Variants in DDOST observed in about 807,000 individuals in gnomAD.
DDOST encodes the protein dolichyl-diphosphooligosaccharide--protein glycosyltransferase 48 kDa subunit.
Under a neutral mutation model 47.6 loss-of-function variants are expected in DDOST, and 25 were observed. That is an observed-to-expected ratio of 0.53 (90% CI 0.38 to 0.73). The LOEUF (loss-of-function observed/expected upper bound fraction) is 0.73, where lower values mean the gene tolerates loss of function less well. DDOST is among the 30% of genes least tolerant of loss of function. The pLI, the probability that DDOST is intolerant of heterozygous loss-of-function variation, is 0.00. For missense variants in DDOST, 526 were observed against 573.9 expected (o/e 0.92, Z 0.85); for synonymous variants, 275 against 236.0 (o/e 1.17, Z -1.51).
In DDOST at chr1:20,652,538, G is replaced by T; in HGVS notation, c.1171-10C>A. 1 of 1,613,958 alleles carries T rather than the reference G, an allele frequency of 6.2e-7. No individual in the cohort carries two copies. The highest frequency in any genetic ancestry group is 8.5e-7 in the Non-Finnish European group (1 of 1,179,916). ...GTGGCCGCACGGATACCTGCAGGAG[G>T]ACAGAGGTGGCAGGACCTGGCCACT... On this transcript the variant is annotated splice_polypyrimidine_tract_variant and intron_variant, in intron 10 of 10. Coordinates refer to ENST00000602624, the MANE Select transcript of DDOST (RefSeq NM_005216.5).
chr1:20,653,921 G>A, intron 7 of DDOST, 147 bp from the exon 8 acceptor site: 2 of 951,724 alleles, frequency 2.1e-6, no homozygotes, highest in Non-Finnish European at 3.1e-6. Flanking sequence ...ATGGTTAAAG[G>A]GAACGCAGGA....
intron 2 of DDOST, chr1:20,660,603 C>T (rs1557574574): frequency 1.0e-5 from 3 of 289,974 alleles, no homozygotes; most frequent in East Asian, 1.4e-4. Flanking sequence ...TTTATCAGGC[C>T]CTTTACAGAG....
At chr1:20,655,912 G>C (rs3738141) in intron 3 of DDOST, 133 bp from the exon 4 acceptor site, 2 of 856,982 alleles carry the variant, frequency 2.3e-6, no homozygotes, top group Non-Finnish European at 3.8e-6. Context: ...CTCAGCCCCA[G>C]ATGGACCCCT....
rs2053288079 is a variant in DDOST, at chr1:20,651,802, T to TTTAC, written c.*576_*577insGTAA. On this transcript the variant is annotated 3_prime_UTR_variant, in exon 11 of 11. Coordinates refer to ENST00000602624, the MANE Select transcript of DDOST (RefSeq NM_005216.5). Reference sequence around the variant, plus strand: ...TTTGAGGGCAACATCTCGCTTTATTTTTATTTATTTATTTATTTATTTATT... The same window carrying TTTAC: ...TTTGAGGGCAACATCTCGCTTTATTTTTACTTATTTATTTATTTATTTATTTATT... 1 of 3,184 alleles carries TTTAC rather than the reference T, an allele frequency of 3.1e-4. No homozygotes were observed. The highest frequency in any genetic ancestry group is 0.01 in the South Asian group (1 of 96). The allele number at this position is 3,184 out of a possible 1,614,324, so 0.2% of individuals were successfully genotyped here.
Position 20,652,855 on chromosome 1 carries a change from C to A in DDOST, c.1059G>T (p.Lys353Asn). ...IDPFVRTFLKKKGGKYSVQFK... is the reference protein window; with the variant it reads ...IDPFVRTFLKNKGGKYSVQFK... ...TCGTGCAGGAACTACACTCACCTTTCTTCTTCAGGAAGGTCCTCACAAAAG... is the reference window on the plus strand; with the variant it reads ...TCGTGCAGGAACTACACTCACCTTTATTCTTCAGGAAGGTCCTCACAAAAG... The change falls in exon 9 of 11, where the codon AAG becomes AAT. Residue 353 changes from lysine to asparagine, a missense_variant. Physicochemically the swap from Lys to Asn is moderately conservative, Grantham distance 94. Coordinates refer to ENST00000602624, the MANE Select transcript of DDOST (RefSeq NM_005216.5). 1 of 1,614,136 alleles carries A rather than the reference C, an allele frequency of 6.2e-7. No individual in the cohort carries two copies. The highest frequency in any genetic ancestry group is 8.5e-7 in the Non-Finnish European group (1 of 1,180,012).
rs1200095643 is a variant in DDOST, at chr1:20,652,516, G to C, written c.1183C>G (p.Pro395Ala). 6.2e-7 allele frequency: 1 copy of C among 1,613,834 alleles called. No individual in the cohort carries two copies. Reference protein sequence around the residue: ...LYSSTQVSVRPLQHTQYERFI... With the variant: ...LYSSTQVSVRALQHTQYERFI... The stretch of plus-strand genomic sequence containing the variant: ...CGCTCATACTGCGTGTGCTGGAGTG[G>C]CCGCACGGATACCTGCAGGAGGACA... Residue 395 changes from proline (P) to alanine (A), a missense_variant, in exon 11 of 11, where the codon CCA becomes GCA. Transcript: ENST00000602624.
intron 2 of DDOST, among the ~76,000 whole-genome samples, chr1:20,656,580 T>C (rs906188456): frequency 3.9e-5 from 6 of 152,232 alleles, no homozygotes; most frequent in Non-Finnish European, 5.9e-5. Flanking sequence ...GGAGCCAGTT[T>C]CCAGAGCCTG....
rs374229790 is a variant in DDOST at position 20,654,605 on chromosome 1, A to G, written c.645+9T>C. 1.5e-4 allele frequency: 228 copies of G among 1,554,846 alleles called. No homozygotes were observed. Among genetic ancestry groups the G allele is most frequent in the Non-Finnish European group, 1.9e-4 (219 of 1,147,054 alleles). On this transcript the variant is annotated intron_variant, in intron 6 of 10. Coordinates refer to ENST00000602624, the MANE Select transcript of DDOST (RefSeq NM_005216.5). Reference sequence around the variant, plus strand: ...TTATTTCGAAGCCTCAAGGTTGTGAAGCCCTTACCTGGGTGATAGGCTTGT... The same window carrying G: ...TTATTTCGAAGCCTCAAGGTTGTGAGGCCCTTACCTGGGTGATAGGCTTGT...
chr1:20,653,263 T>TG lies in DDOST; in HGVS notation c.943-293dup, dbSNP rs1356920396. On this transcript the variant is annotated intron_variant, in intron 8 of 10. Coordinates refer to ENST00000602624, the MANE Select transcript of DDOST (RefSeq NM_005216.5). ...CCCAAACCACCCTCCTGCCCCGACA[T>TG]GTGCCAGGCACTTTCAAGTATTCAT... Among the ~76,000 whole-genome samples, 4 of 152,228 alleles carry TG rather than the reference T, an allele frequency of 2.6e-5. No homozygotes were observed. The East Asian group carries it at 7.7e-4, about 29-fold the overall frequency.
chr1:20,660,700 T>C (rs1162994553), intron 2 of DDOST, 181 bp downstream of exon 2: 11 of 543,908 alleles, frequency 2.0e-5, no homozygotes, highest in Non-Finnish European at 3.3e-5. Context: ...CTGTTTCTTT[T>C]AGAAAGATGT....
Position 20,652,917 on chromosome 1 carries a change from C to T in DDOST, c.997G>A (p.Gly333Ser). The T allele has an allele frequency of 6.2e-7, 1 of 1,614,198 alleles. No individual in the cohort carries two copies. The highest frequency in any genetic ancestry group is 8.5e-7 in the Non-Finnish European group (1 of 1,180,028). Reference sequence around the variant, plus strand: ...ACAAACTCCAGCTGAATGTCATCGCCATCAAAGGGGACCCATTTGCCATTT... The same window carrying T: ...ACAAACTCCAGCTGAATGTCATCGCTATCAAAGGGGACCCATTTGCCATTT... The part of the protein sequence containing the change: ...LSNGKWVPFD[G>S]DDIQLEFVRI... Residue 333 changes from glycine (G) to serine (S), a missense_variant, in exon 9 of 11, where the codon GGC (glycine) becomes AGC (serine). Gly to Ser is a moderately conservative substitution (Grantham distance 56, BLOSUM62 0). Transcript: ENST00000602624.
intron 8 of DDOST, 91 bp from the exon 9 acceptor site, chr1:20,653,062 G>A (rs1386357706): frequency 8.3e-5 from 128 of 1,542,408 alleles, no homozygotes; most frequent in Non-Finnish European, 9.8e-5. Context: ...CCCACCCGAC[G>A]AACATGGCAG....
chr1:20,653,010 C>T (rs746980641), intron 8 of DDOST, 39 bp from the exon 9 acceptor site: 1 of 1,611,022 alleles, frequency 6.2e-7, no homozygotes, highest in Non-Finnish European at 8.5e-7. Flanking sequence ...CTGGCCATGA[C>T]TGGAGGCCTT....
At position 20,652,334 on chromosome 1, in the gene DDOST, C is replaced by T. The variant is rs763273068; in HGVS notation, c.*45G>A. On this transcript the variant is annotated 3_prime_UTR_variant, in exon 11 of 11. Coordinates refer to ENST00000602624, the MANE Select transcript of DDOST (RefSeq NM_005216.5). ...CAAAACCACCAATCCTAATAACCCC[C>T]CTCCTTGCCCCGTCTCCACGCTGTG... 3.3e-6 allele frequency: 5 copies of T among 1,511,340 alleles called. No homozygotes were observed. In the South Asian group the frequency reaches 6.5e-5, roughly 20 times the overall value. 93.6% of individuals were successfully genotyped at this position (1,511,340 alleles called of 1,614,324 possible).
intron 2 of DDOST, among the ~76,000 whole-genome samples, chr1:20,659,295 T>A (rs989096578): frequency 2.0e-5 from 3 of 152,066 alleles, no homozygotes; most frequent in African/African-American, 7.2e-5. Context: ...TGTTTTACAC[T>A]CTCTGTCGTT....
Position 20,652,951 on chromosome 1 carries a change from C to T in DDOST, c.963G>A (p.Gln321=). Residue 321 remains glutamine, a synonymous_variant, in exon 9 of 11, where the codon CAG becomes CAA. Transcript: ENST00000602624. ...GGACCCATTTGCCATTTGAGAGCTG[C>T]TGGATCACGATGCTATACTCCTGAG... ...TDLVEYSIVI[Q]QLSNGKWVPF... The T allele has an allele frequency of 6.2e-7, 1 of 1,614,248 alleles. No homozygotes were observed. Among genetic ancestry groups the T allele is most frequent in the Non-Finnish European group, 8.5e-7 (1 of 1,180,046 alleles).
chr1:20,652,005 TTAGTAGA>T lies in DDOST; in HGVS notation c.*367_*373del, dbSNP rs2053294770. On this transcript the variant is annotated 3_prime_UTR_variant, in exon 11 of 11. Transcript: ENST00000602624. ...CACGCCCAGCTAATTTTTTGTACTTTTAGTAGAGACAGGGTTTTACCGTGTTAGCCAG... is the reference window on the plus strand; with the variant it reads ...CACGCCCAGCTAATTTTTTGTACTTTGACAGGGTTTTACCGTGTTAGCCAG... The T allele has an allele frequency of 6.3e-6, 1 of 159,610 alleles. No individual in the cohort carries two copies. The highest frequency in any genetic ancestry group is 1.8e-4 in the South Asian group (1 of 5,620). The allele number at this position is 159,610 out of a possible 1,614,324, so 9.9% of individuals were successfully genotyped here.
At position 20,654,378 on chromosome 1, in the gene DDOST, A is replaced by G; in HGVS notation, c.646-7T>C. On this transcript the variant is annotated splice_polypyrimidine_tract_variant and splice_region_variant and intron_variant, in intron 6 of 10. Transcript: ENST00000602624. ...TCCCCACCGCATGTGGATACTGGGA[A>G]CAAAACGAGGCTGTGACCCAAGCAG... 1 of 1,557,862 alleles carries G rather than the reference A, an allele frequency of 6.4e-7. No homozygotes were observed. The highest frequency in any genetic ancestry group is 8.7e-7 in the Non-Finnish European group (1 of 1,149,822).
At chr1:20,661,157 C>A in intron 1 of DDOST, 40 bp downstream of exon 1, 1 of 1,599,920 alleles carries the variant, frequency 6.3e-7, no homozygotes, top group Non-Finnish European at 8.5e-7. Context: ...TGTACCAACC[C>A]CAGGCCCCCA....
Sources: gnomAD v4.1 joint callset for allele counts (sites outside exome capture counted in the v4.1 genomes callset) on GRCh38, gnomAD v4.1.1 for gene constraint, MANE v1.5 for transcripts, NCBI Gene and HGNC (gene_info 2026-07-23, HGNC 2026-07-21) for gene names.